The following FAM227B variants were observed in gnomAD, a reference collection of about 807,000 sequenced individuals.
FAM227B encodes protein FAM227B.
Under a neutral mutation model 73.8 loss-of-function variants are expected in FAM227B, and 88 were observed. That is an observed-to-expected ratio of 1.19 (90% CI 1.00 to 1.42). The LOEUF is 1.42. Among genes scored for constraint, FAM227B ranks in the 40% most tolerant of loss-of-function variants. FAM227B has a pLI of 0.00. For synonymous variants in FAM227B, 210 were observed against 190.5 expected (o/e 1.10, Z -0.84); for missense variants, 632 against 590.9 (o/e 1.07, Z -0.72).
At chr15:49,611,182 G>A (rs777741585) in intron 3 of FAM227B, 33 bp downstream of exon 3, 1 of 1,311,808 alleles carries the variant, frequency 7.6e-7, no homozygotes, top group Non-Finnish European at 1.1e-6. Flanking sequence ...TTAAAATGAT[G>A]TAATGGCACA....
At chr15:49,505,369 T>C (rs1330238241) in intron 11 of FAM227B, among the ~76,000 whole-genome samples, 1 of 152,112 alleles carries the variant, frequency 6.6e-6, no homozygotes, top group Non-Finnish European at 1.5e-5. Context: ...CATCAAATTT[T>C]ACACTTTAAA....
At chr15:49,562,486 C>T (rs1480919877) in intron 9 of FAM227B, among the ~76,000 whole-genome samples, 1 of 151,838 alleles carries the variant, frequency 6.6e-6, no homozygotes, top group Non-Finnish European at 1.5e-5. Flanking sequence ...AGCGGGGCTT[C>T]TCCTCACATA....
rs112023516 is a variant in FAM227B at position 49,396,636 on chromosome 15, C to G, written c.1013-25237G>C. On this transcript the variant is annotated intron_variant, in intron 11 of 15. Transcript: ENST00000299338. ...AAGAGAGCAGTGGTTCTCCCAGCACCCAGCTGGAGATCTGAGAACGGGCAG... is the reference window on the plus strand; with the variant it reads ...AAGAGAGCAGTGGTTCTCCCAGCACGCAGCTGGAGATCTGAGAACGGGCAG... Among the ~76,000 whole-genome samples, 689 of 151,702 alleles carry G rather than the reference C, an allele frequency of 4.5e-3. 6 individuals are homozygous for G. Among genetic ancestry groups the G allele is most frequent in the South Asian group, 0.014 (68 of 4,782 alleles).
chr15:49,462,451 C>A (rs2053887851), intron 11 of FAM227B, among the ~76,000 whole-genome samples: 1 of 152,146 alleles, frequency 6.6e-6, no homozygotes, highest in Non-Finnish European at 1.5e-5. Flanking sequence ...ATTTTTAGTC[C>A]AGTCTCATAA....
intron 11 of FAM227B, among the ~76,000 whole-genome samples, chr15:49,372,585 G>T (rs1250009710): frequency 6.6e-6 from 1 of 152,076 alleles, no homozygotes; most frequent in East Asian, 1.9e-4. Flanking sequence ...CCTTTCAACT[G>T]GCATGAATAT....
Position 49,517,718 on chromosome 15 carries a change from TAGC to T in FAM227B, c.875-9373_875-9371del, listed in dbSNP as rs1597807735. ...AAAAAATGAACAAATCATAAATGTA[TAGC>T]TCAATTAATTTTTTACAAATTTAAT... On this transcript the variant is annotated intron_variant, in intron 10 of 15. Coordinates refer to ENST00000299338, the MANE Select transcript of FAM227B (RefSeq NM_152647.3). 5.9e-5 allele frequency among the ~76,000 whole-genome samples: 9 copies of T among 152,284 alleles called. No homozygotes were observed. The East Asian group carries it at 1.7e-3, about 30-fold the overall frequency.
At chr15:49,554,501 T>C (rs2152317787) in intron 9 of FAM227B, among the ~76,000 whole-genome samples, 1 of 152,304 alleles carries the variant, frequency 6.6e-6, no homozygotes. Flanking sequence ...CCCCTCTGTC[T>C]AGGGCTGGTT....
intron 10 of FAM227B, among the ~76,000 whole-genome samples, chr15:49,509,136 A>T (rs2058793503): frequency 1.3e-5 from 2 of 152,200 alleles, no homozygotes; most frequent in South Asian, 4.1e-4. Flanking sequence ...CCTATCTGGT[A>T]CCTAGTCCTG....
At chr15:49,542,774 T>C (rs1027267503) in intron 9 of FAM227B, among the ~76,000 whole-genome samples, 1 of 151,026 alleles carries the variant, frequency 6.6e-6, no homozygotes, top group African/African-American at 2.4e-5. Flanking sequence ...TTTTATTTTA[T>C]ATTCAAGGGG....
rs541391173 is a variant in FAM227B, at chr15:49,357,524, C to G, written c.1271+9924G>C. Among the ~76,000 whole-genome samples the G allele has an allele frequency of 8.6e-4, 130 of 152,034 alleles. No homozygotes were observed. In the South Asian group the frequency reaches 0.026, roughly 30 times the overall value. ...AAATTCCTCGACACATACACTCTCC[C>G]AAGACTAAACCAGGAAGAAGTTGAA... On this transcript the variant is annotated intron_variant, in intron 13 of 15. Coordinates refer to ENST00000299338, the MANE Select transcript of FAM227B (RefSeq NM_152647.3).
At chr15:49,538,099 A>G (rs1184103066) in intron 10 of FAM227B, among the ~76,000 whole-genome samples, 1 of 152,228 alleles carries the variant, frequency 6.6e-6, no homozygotes, top group African/African-American at 2.4e-5. Context: ...AATTCCTCAC[A>G]TACAAGGGAG....
At chr15:49,600,586 G>GA (rs2077131321) in intron 3 of FAM227B, among the ~76,000 whole-genome samples, 1 of 149,772 alleles carries the variant, frequency 6.7e-6, no homozygotes, top group East Asian at 2.0e-4. Context: ...ACCCGGGAGG[G>GA]AGAGGTTGCA....
At chr15:49,371,230 A>T in intron 12 of FAM227B, 72 bp downstream of exon 12, 1 of 864,262 alleles carries the variant, frequency 1.2e-6, no homozygotes, top group Non-Finnish European at 1.9e-6. Flanking sequence ...GCCTATGTAC[A>T]GCACAGTCAA....
At chr15:49,569,234 T>C (rs1239221943) in intron 8 of FAM227B, among the ~76,000 whole-genome samples, 2 of 151,454 alleles carry the variant, frequency 1.3e-5, no homozygotes, top group African/African-American at 4.8e-5. Context: ...CACTTTTTTA[T>C]AATTTTAGTA....
rs543122512 is a variant in FAM227B at position 49,404,472 on chromosome 15, A to G, written c.1013-33073T>C. On this transcript the variant is annotated intron_variant, in intron 11 of 15. Transcript: ENST00000299338. ...TGTTGGGTGCATATATATTTAGGATAGTTAGGTCTTCTTACTGAATTGAAC... is the reference window on the plus strand; with the variant it reads ...TGTTGGGTGCATATATATTTAGGATGGTTAGGTCTTCTTACTGAATTGAAC... Among the ~76,000 whole-genome samples, 3 of 152,246 alleles carry G rather than the reference A, an allele frequency of 2.0e-5. No homozygotes were observed. The East Asian group carries it at 5.8e-4, about 29-fold the overall frequency.
At chr15:49,466,963 A>G (rs1033691286) in intron 11 of FAM227B, among the ~76,000 whole-genome samples, 1 of 152,202 alleles carries the variant, frequency 6.6e-6, no homozygotes, top group African/African-American at 2.4e-5. Context: ...GCCAATGACC[A>G]AAATGACTTT....
chr15:49,529,512 T>C (rs879418033), intron 10 of FAM227B, among the ~76,000 whole-genome samples: 18 of 151,248 alleles, frequency 1.2e-4, no homozygotes, highest in Non-Finnish European at 2.2e-4. Context: ...CAAAAGAAAA[T>C]GTAGGTTTGA....
intron 10 of FAM227B, among the ~76,000 whole-genome samples, chr15:49,537,510 T>C (rs1182623831): frequency 1.3e-5 from 2 of 152,064 alleles, no homozygotes; most frequent in African/African-American, 4.8e-5. Flanking sequence ...GTATGAGAGT[T>C]CCTAAAGAAA....
In FAM227B at chr15:49,518,314, T is replaced by C. The variant is rs573127465; in HGVS notation, c.875-9966A>G. On this transcript the variant is annotated intron_variant, in intron 10 of 15. Transcript: ENST00000299338. ...TTTATAGGATTTTAAGATGGCTGCC[T>C]ATGGTGGTTGAATGCCAGTACTCCT... 2.0e-5 allele frequency among the ~76,000 whole-genome samples: 3 copies of C among 152,284 alleles called. No homozygotes were observed. In the East Asian group the frequency reaches 5.8e-4, roughly 29 times the overall value.
Sources: gnomAD v4.1 joint callset for allele counts (sites outside exome capture counted in the v4.1 genomes callset) on GRCh38, gnomAD v4.1.1 for gene constraint, MANE v1.5 for transcripts, NCBI Gene and HGNC (gene_info 2026-07-23, HGNC 2026-07-21) for gene names.